MACF1: variants seen among roughly 807,000 people sequenced by gnomAD.
MACF1 encodes microtubule-actin cross-linking factor 1.
Under a neutral mutation model 854.8 loss-of-function variants are expected in MACF1, and 193 were observed. The observed-to-expected ratio is 0.23, with a 90% CI of 0.20 to 0.25. The LOEUF (loss-of-function observed/expected upper bound fraction) is 0.25, where lower values mean the gene tolerates loss of function less well. Among genes scored for constraint, MACF1 ranks in the 10% least tolerant of loss-of-function variants. The pLI is 1.00. For missense variants in MACF1, 7,722 were observed against 8,929.1 expected (o/e 0.86, Z 5.45); for synonymous variants, 3,185 against 3,226.7 (o/e 0.99, Z 0.44).
chr1:39,346,709 C>T lies in MACF1; in HGVS notation c.10582-268C>T, dbSNP rs200417990. Among the ~76,000 whole-genome samples the T allele has an allele frequency of 8.6e-5, 13 of 152,024 alleles. No homozygotes were observed. In the South Asian group the frequency reaches 1.5e-3, roughly 17 times the overall value. ...TAATTTTTTGTATTTTTAGTAGAGA[C>T]GGGGTTTCACCGTGTTAGCCAGGAT... On this transcript the variant is annotated intron_variant, in intron 40 of 100. Coordinates refer to ENST00000564288, the MANE Select transcript of MACF1 (RefSeq NM_001394062.1).
intron 1 of MACF1, among the ~76,000 whole-genome samples, chr1:39,210,880 A>T (rs984220206): frequency 1.3e-5 from 2 of 151,648 alleles, no homozygotes; most frequent in African/African-American, 4.9e-5. Context: ...GGGTTTAATT[A>T]TGCTGCTTGG....
chr1:39,189,838 T>C (rs1032722430), intron 2 of MACF1, among the ~76,000 whole-genome samples: 1 of 152,204 alleles, frequency 6.6e-6, no homozygotes, highest in African/African-American at 2.4e-5. Flanking sequence ...TCCAGTTAGA[T>C]TGTAAGCTCT....
chr1:39,157,494 C>T (rs1043370501), intron 2 of MACF1, among the ~76,000 whole-genome samples: 1 of 152,226 alleles, frequency 6.6e-6, no homozygotes, highest in Non-Finnish European at 1.5e-5. Flanking sequence ...AACTTCAAAT[C>T]TTGGTGGCAG....
chr1:39,387,022 A>G (rs1351996469), intron 57 of MACF1, among the ~76,000 whole-genome samples, 165 bp from the exon 58 acceptor site: 1 of 152,256 alleles, frequency 6.6e-6, no homozygotes, highest in African/African-American at 2.4e-5. Flanking sequence ...TACGAGGATT[A>G]AATAAGATAG....
At chr1:39,239,543 A>C (rs538702589) in intron 2 of MACF1, among the ~76,000 whole-genome samples, 1 of 152,360 alleles carries the variant, frequency 6.6e-6, no homozygotes, top group East Asian at 1.9e-4. Context: ...GGTTCTGCTT[A>C]TATACCAGAA....
In MACF1 at chr1:39,297,685, A is replaced by G. The variant is rs1645951837; in HGVS notation, c.2421A>G (p.Lys807=). 6.2e-7 allele frequency: 1 copy of G among 1,614,158 alleles called. No homozygotes were observed. Among genetic ancestry groups the G allele is most frequent in the South Asian group, 1.1e-5 (1 of 91,078 alleles). The change falls in exon 21 of 101, where the codon AAA becomes AAG. Residue 807 remains lysine (K), a synonymous_variant. Coordinates refer to ENST00000564288, the MANE Select transcript of MACF1 (RefSeq NM_001394062.1). ...LRNLQDSIKR[K]YSCDHNTSLS... ...ACCTCCAAGATTCCATTAAACGAAAATATTCCTGTGACCACAACACCAGCT... is the reference window on the plus strand; with the variant it reads ...ACCTCCAAGATTCCATTAAACGAAAGTATTCCTGTGACCACAACACCAGCT...
chr1:39,247,527 G>A (rs1644995962), intron 2 of MACF1, among the ~76,000 whole-genome samples: 1 of 152,104 alleles, frequency 6.6e-6, no homozygotes, highest in African/African-American at 2.4e-5. Flanking sequence ...GTGTCTCTGT[G>A]ATGGAAATAC....
intron 2 of MACF1, among the ~76,000 whole-genome samples, chr1:39,165,571 A>G (rs1298938007): frequency 1.3e-5 from 2 of 152,194 alleles, no homozygotes; most frequent in Non-Finnish European, 2.9e-5. Context: ...GTGAGCCTGT[A>G]TAGCTAACAA....
intron 58 of MACF1, among the ~76,000 whole-genome samples, chr1:39,417,458 C>T (rs1022390267): frequency 5.0e-4 from 76 of 152,150 alleles, no homozygotes; most frequent in Non-Finnish European, 7.5e-4. Context: ...TGTTTGAACG[C>T]TCTGCTGATC....
chr1:39,371,946 T>C (rs1467427836), intron 51 of MACF1, among the ~76,000 whole-genome samples: 1 of 151,996 alleles, frequency 6.6e-6, no homozygotes, highest in Non-Finnish European at 1.5e-5. Context: ...CCTGAGTCGC[T>C]GGGATTACGG....
intron 1 of MACF1, among the ~76,000 whole-genome samples, chr1:39,214,372 A>G (rs1644550947): frequency 1.3e-5 from 2 of 152,220 alleles, no homozygotes; most frequent in Admixed American, 1.3e-4. Flanking sequence ...AGTGTCTGGT[A>G]CAATTAGCCA....
chr1:39,293,053 A>G (rs1293353423), intron 17 of MACF1, among the ~76,000 whole-genome samples: 3 of 152,248 alleles, frequency 2.0e-5, no homozygotes, highest in Non-Finnish European at 2.9e-5. Context: ...TGAACGTTTT[A>G]AATAAATAGA....
At position 39,447,904 on chromosome 1, in the gene MACF1, T is replaced by TG; in HGVS notation, c.19968+6_19968+7insG. The TG allele has an allele frequency of 6.2e-7, 1 of 1,613,844 alleles. No individual in the cohort carries two copies. The highest frequency in any genetic ancestry group is 8.5e-7 in the Non-Finnish European group (1 of 1,179,906). On this transcript the variant is annotated splice_region_variant and intron_variant, in intron 82 of 100. Transcript: ENST00000564288. ...CCAGGAAGCGGGCAAAACAAGTAAG[T>TG]TGGGGAAGAAAGATACTAATTCACT...
At chr1:39,251,116 A>T (rs1406027473) in intron 3 of MACF1, among the ~76,000 whole-genome samples, 1 of 152,080 alleles carries the variant, frequency 6.6e-6, no homozygotes, top group Non-Finnish European at 1.5e-5. Context: ...AGTGATATTC[A>T]GCTCCTTCTA....
At chr1:39,282,869 A>G (rs1347080075) in intron 7 of MACF1, among the ~76,000 whole-genome samples, 1 of 152,192 alleles carries the variant, frequency 6.6e-6, no homozygotes, top group African/African-American at 2.4e-5. Flanking sequence ...GGTGAGGACG[A>G]TAGGAATTCT....
chr1:39,439,534 T>A, intron 72 of MACF1, 34 bp downstream of exon 72: 1 of 1,543,184 alleles, frequency 6.5e-7, no homozygotes, highest in Non-Finnish European at 8.9e-7. Flanking sequence ...TTCTTAGGTG[T>A]CTGTCCTCTA....
Position 39,370,120 on chromosome 1 carries a change from G to T in MACF1, c.13029G>T (p.Gly4343=). The change falls in exon 51 of 101, where the codon GGG becomes GGT. Residue 4343 remains glycine, a synonymous_variant. Transcript: ENST00000564288. ...TFQKWLKETE[G]SIPPTETSMS... ...AGAAATGGTTGAAAGAAACTGAAGGGAGTATTCCACCTACGGAAACTTCTA... is the reference window on the plus strand; with the variant it reads ...AGAAATGGTTGAAAGAAACTGAAGGTAGTATTCCACCTACGGAAACTTCTA... The T allele has an allele frequency of 6.2e-7, 1 of 1,614,018 alleles. No homozygotes were observed. The highest frequency in any genetic ancestry group is 1.1e-5 in the South Asian group (1 of 91,070).
intron 1 of MACF1, among the ~76,000 whole-genome samples, chr1:39,217,377 C>T (rs538928031): frequency 6.6e-6 from 1 of 151,788 alleles, no homozygotes; most frequent in South Asian, 2.1e-4. Flanking sequence ...GGGGCTCAAA[C>T]GATTCTCCTG....
At position 39,287,507 on chromosome 1, in the gene MACF1, A is replaced by G. The variant is rs776315848; in HGVS notation, c.1730A>G (p.Asp577Gly). 3 of 1,614,200 alleles carry G rather than the reference A, an allele frequency of 1.9e-6. No homozygotes were observed. The highest frequency in any genetic ancestry group is 1.1e-5 in the South Asian group (1 of 91,080). The change falls in exon 15 of 101, where the codon GAT becomes GGT. Residue 577 changes from aspartate (D) to glycine (G), a missense_variant. Asp to Gly is a moderately conservative substitution (Grantham distance 94, BLOSUM62 -1). Around this residue, in one of 15 missense-constraint regions of MACF1, gnomAD observed 1,137 missense variants for 1,263.0 expected, o/e 0.90. Transcript: ENST00000564288. The stretch of plus-strand genomic sequence containing the variant: ...CTTGTGGCCATCAGCTCCTCTGAAG[A>G]TGAAGGCAATCTCCGATTTGTGTAT... Reference protein sequence around the residue: ...AELVAISSSEDEGNLRFVYEL... With the variant: ...AELVAISSSEGEGNLRFVYEL...
Sources: gnomAD v4.1 joint callset for allele counts (sites outside exome capture counted in the v4.1 genomes callset) on GRCh38, gnomAD v4.1.1 for gene constraint, gnomAD v4.1.1 regional missense constraint, MANE v1.5 for transcripts, NCBI Gene and HGNC (gene_info 2026-07-23, HGNC 2026-07-21) for gene names.